The following CHSY1 variants were observed in gnomAD, a reference collection of about 807,000 sequenced individuals.
CHSY1 encodes the protein N-acetylgalactosaminyl-proteoglycan 3-beta-glucuronosyltransferase 1.
CHSY1 carries 13 observed loss-of-function variants against 59.8 expected under a neutral mutation model. The ratio of observed to expected loss-of-function variants is 0.22; its 90% confidence interval spans 0.14 to 0.35. CHSY1 has a LOEUF of 0.35. CHSY1 is among the 10% of genes least tolerant of loss of function. The pLI, the probability that CHSY1 is intolerant of heterozygous loss-of-function variation, is 1.00. For missense variants in CHSY1, 947 were observed against 1,030.6 expected, an observed-to-expected ratio of 0.92 and a Z score of 1.11; for synonymous variants, 459 against 401.2, an observed-to-expected ratio of 1.14 and a Z score of -1.72.
At chr15:101,198,102 A>G (rs1199736038) in intron 2 of CHSY1, among the ~76,000 whole-genome samples, 1 of 151,918 alleles carries the variant, frequency 6.6e-6, no homozygotes, top group Non-Finnish European at 1.5e-5. Flanking sequence ...TTAGGTGTGA[A>G]CCAAGACCCC....
intron 1 of CHSY1, among the ~76,000 whole-genome samples, chr15:101,245,270 C>T (rs953474404): frequency 1.3e-5 from 2 of 152,230 alleles, no homozygotes; most frequent in Non-Finnish European, 1.5e-5. Context: ...CCTTTCCCAT[C>T]GCTCCTTCAC....
At chr15:101,179,030 T>A in intron 2 of CHSY1, 50 bp from the exon 3 acceptor site, 1 of 1,539,214 alleles carries the variant, frequency 6.5e-7, no homozygotes, top group African/African-American at 1.4e-5. Context: ...TATGATTGAG[T>A]GCCAGCACAT....
chr15:101,240,582 C>T (rs2038991495), intron 1 of CHSY1, among the ~76,000 whole-genome samples: 1 of 152,252 alleles, frequency 6.6e-6, no homozygotes, highest in African/African-American at 2.4e-5. Context: ...TCCTCCATCA[C>T]TCTAGGTTTC....
At chr15:101,181,496 G>A (rs12595381) in intron 2 of CHSY1, among the ~76,000 whole-genome samples, 3,191 of 152,324 alleles carry the variant, frequency 0.021, 48 homozygotes, top group East Asian at 0.097. Flanking sequence ...ACAGTGAGGT[G>A]AGAACAGTCT....
chr15:101,186,319 C>CAAATAAATAAATAAAT (rs71903953), intron 2 of CHSY1, among the ~76,000 whole-genome samples: 1 of 147,256 alleles, frequency 6.8e-6, no homozygotes, highest in Non-Finnish European at 1.5e-5. Context: ...GACCCTGTCT[C>CAAATAAATAAATAAAT]AAATAAATAA....
chr15:101,178,169 C>T lies in CHSY1; in HGVS notation c.1628G>A (p.Arg543His), dbSNP rs1470346904. The T allele has an allele frequency of 1.2e-6, 2 of 1,614,070 alleles. No homozygotes were observed. The highest frequency in any genetic ancestry group is 1.7e-6 in the Non-Finnish European group (2 of 1,180,046). Residue 543 changes from arginine (R) to histidine (H), a missense_variant, in exon 3 of 3, where the codon CGT (arginine) becomes CAT (histidine). This residue lies in a region of CHSY1 where 602 missense variants were observed against 676.9 expected (regional missense o/e 0.89). Coordinates refer to ENST00000254190, the MANE Select transcript of CHSY1 (RefSeq NM_014918.5). ...CATAAATCTCACAAACATGTCGAAACGCCCAGACAAAGGAATCAGTATGTT... is the reference window on the plus strand; with the variant it reads ...CATAAATCTCACAAACATGTCGAAATGCCCAGACAAAGGAATCAGTATGTT... ...KINILIPLSGRFDMFVRFMGN... is the reference protein window; with the variant it reads ...KINILIPLSGHFDMFVRFMGN...
chr15:101,228,065 C>G (rs547223803), intron 2 of CHSY1, among the ~76,000 whole-genome samples: 1 of 151,158 alleles, frequency 6.6e-6, no homozygotes, highest in Non-Finnish European at 1.5e-5. Context: ...GCAGCCAATA[C>G]GGCGACAGAA....
intron 2 of CHSY1, among the ~76,000 whole-genome samples, chr15:101,206,897 T>C (rs568828144): frequency 1.1e-4 from 16 of 152,242 alleles, no homozygotes; most frequent in Non-Finnish European, 2.1e-4. Context: ...CACCCATGTT[T>C]ATCTCATAAA....
Position 101,187,350 on chromosome 15 carries a change from G to A in CHSY1, c.817-8370C>T, listed in dbSNP as rs561554346. 7.2e-5 allele frequency among the ~76,000 whole-genome samples: 11 copies of A among 152,216 alleles called. No homozygotes were observed. In the East Asian group the frequency reaches 7.7e-4, roughly 11 times the overall value. On this transcript the variant is annotated intron_variant, in intron 2 of 2. Coordinates refer to ENST00000254190, the MANE Select transcript of CHSY1 (RefSeq NM_014918.5). ...AAAAATTAGCCAGGCATGGTGGCGT[G>A]TGCCTGTAGTCCCAGCTACTCGGGA...
intron 2 of CHSY1, among the ~76,000 whole-genome samples, chr15:101,191,865 A>AT (rs2038450383): frequency 1.3e-5 from 2 of 151,920 alleles, no homozygotes; most frequent in South Asian, 4.2e-4. Context: ...AAATTCATTC[A>AT]TTTTCCTTCC....
Position 101,177,658 on chromosome 15 carries a change from G to T in CHSY1, c.2139C>A (p.Ile713=), listed in dbSNP as rs1390647106. The change falls in exon 3 of 3, where the codon ATC becomes ATA. Residue 713 remains isoleucine, a synonymous_variant. Coordinates refer to ENST00000254190, the MANE Select transcript of CHSY1 (RefSeq NM_014918.5). ...LVRVGGFDVS[I]QGWGLEDVDL... ...CCACATCCTCCAGCCCCCAGCCTTG[G>T]ATGGAAACATCAAAGCCACCCACTC... 6.2e-7 allele frequency: 1 copy of T among 1,613,990 alleles called. No homozygotes were observed. The highest frequency in any genetic ancestry group is 8.5e-7 in the Non-Finnish European group (1 of 1,180,036).
At chr15:101,188,419 A>G (rs1221073542) in intron 2 of CHSY1, among the ~76,000 whole-genome samples, 2 of 152,218 alleles carry the variant, frequency 1.3e-5, no homozygotes, top group Non-Finnish European at 2.9e-5. Context: ...GACCACCAGC[A>G]TAAACGGTGG....
intron 2 of CHSY1, among the ~76,000 whole-genome samples, chr15:101,193,495 A>G (rs1220668021): frequency 9.8e-6 from 1 of 102,416 alleles, no homozygotes; most frequent in Non-Finnish European, 2.8e-5. Flanking sequence ...CGGAGCAAGC[A>G]TAAACGGCTG....
rs1397499717 is a variant in CHSY1, at chr15:101,178,450, C to T, written c.1347G>A (p.Leu449=). The T allele has an allele frequency of 6.2e-7, 1 of 1,614,222 alleles. No individual in the cohort carries two copies. Among genetic ancestry groups the T allele is most frequent in the Non-Finnish European group, 8.5e-7 (1 of 1,180,036 alleles). ...VNPMYGAEYI[L]DLLLLYKKHK... ...GCTTTTTGTACAGAAGCAGCAGGTCCAGGATGTACTCAGCCCCATACATGG... is the reference window on the plus strand; with the variant it reads ...GCTTTTTGTACAGAAGCAGCAGGTCTAGGATGTACTCAGCCCCATACATGG... Residue 449 remains leucine, a synonymous_variant, in exon 3 of 3, where the codon CTG becomes CTA. Transcript: ENST00000254190.
At chr15:101,229,842 G>C (rs972558006) in intron 2 of CHSY1, among the ~76,000 whole-genome samples, 1 of 152,014 alleles carries the variant, frequency 6.6e-6, no homozygotes, top group Non-Finnish European at 1.5e-5. Context: ...AGGAGGCAGA[G>C]GTTGCAGTGA....
intron 2 of CHSY1, among the ~76,000 whole-genome samples, chr15:101,234,590 C>T (rs996256119): frequency 2.6e-5 from 4 of 152,182 alleles, no homozygotes; most frequent in Admixed American, 6.5e-5. Context: ...ATGGAAGAGC[C>T]GGGCGCCGTG....
At chr15:101,179,627 C>T (rs1192726990) in intron 2 of CHSY1, among the ~76,000 whole-genome samples, 1 of 152,216 alleles carries the variant, frequency 6.6e-6, no homozygotes, top group East Asian at 1.9e-4. Flanking sequence ...GAGGAAGGTA[C>T]CCCTCTCCCA....
intron 2 of CHSY1, among the ~76,000 whole-genome samples, chr15:101,218,043 TC>T (rs1339145551): frequency 6.6e-6 from 1 of 152,144 alleles, no homozygotes; most frequent in Non-Finnish European, 1.5e-5. Context: ...TCTACAGTCT[TC>T]CCCTCAGAAA....
chr15:101,235,286 C>T lies in CHSY1; in HGVS notation c.612G>A (p.Thr204=), dbSNP rs145031427. Reference sequence around the variant, plus strand: ...CCAGGGCCAGTTTTCCCATTTCTTCCGTGGTGCCCAGGCCTGTCTGCCCAA... The same window carrying T: ...CCAGGGCCAGTTTTCCCATTTCTTCTGTGGTGCCCAGGCCTGTCTGCCCAA... ...LFLGQTGLGT[T]EEMGKLALEP... Residue 204 remains threonine, a synonymous_variant, in exon 2 of 3, where the codon ACG becomes ACA. Coordinates refer to ENST00000254190, the MANE Select transcript of CHSY1 (RefSeq NM_014918.5). 2,986 of 1,614,192 alleles carry T rather than the reference C, an allele frequency of 1.8e-3. 3 individuals are homozygous for T. Among genetic ancestry groups the T allele is most frequent in the Non-Finnish European group, 2.4e-3 (2,823 of 1,180,020 alleles).
Sources: gnomAD v4.1 joint callset for allele counts (sites outside exome capture counted in the v4.1 genomes callset) on GRCh38, gnomAD v4.1.1 for gene constraint, gnomAD v4.1.1 regional missense constraint, MANE v1.5 for transcripts, NCBI Gene and HGNC (gene_info 2026-07-23, HGNC 2026-07-21) for gene names.